Variants in CEP128 observed in about 807,000 individuals in gnomAD.
CEP128 encodes the protein centrosomal protein 128, also known as centrosomal protein 128kDa.
In CEP128, 132 loss-of-function variants were observed where a neutral mutation model predicts 156.7. That is an observed-to-expected ratio of 0.84 (90% CI 0.73 to 0.97). The LOEUF is 0.97. Among genes scored for constraint, CEP128 ranks in the 50% least tolerant of loss-of-function variants. The pLI is 0.00. For missense variants in CEP128, 1,252 were observed against 1,281.9 expected (o/e 0.98, Z 0.36); for synonymous variants, 469 against 448.9 (o/e 1.04, Z -0.57).
At chr14:80,754,859 C>T (rs1200088555) in intron 18 of CEP128, among the ~76,000 whole-genome samples, 1 of 152,166 alleles carries the variant, frequency 6.6e-6, no homozygotes, top group African/African-American at 2.4e-5. Context: ...ATGGCCTTAC[C>T]ATACCTTGTT....
rs372341732 is a variant in CEP128 at position 80,545,568 on chromosome 14, T to G, written c.2880+13711A>C. On this transcript the variant is annotated intron_variant, in intron 21 of 24. Transcript: ENST00000555265. ...GAGCAAACTGGTCCTTGAAGTTAGA[T>G]CTGACAAATTTTAATGTTAACAAAA... is the stretch of plus-strand genomic sequence containing the variant. Among the ~76,000 whole-genome samples the G allele has an allele frequency of 7.9e-4, 120 of 152,276 alleles. 1 individual carries two copies. The highest frequency in any genetic ancestry group is 2.6e-3 in the African/African-American group (110 of 41,560).
At chr14:80,647,065 A>ACCCG (rs1894682358) in intron 19 of CEP128, among the ~76,000 whole-genome samples, 1 of 74,288 alleles carries the variant, frequency 1.3e-5, no homozygotes, top group Non-Finnish European at 2.8e-5. Flanking sequence ...ATATATATAT[A>ACCCG]TATATATATA....
At chr14:80,639,854 C>T (rs553610918) in intron 19 of CEP128, among the ~76,000 whole-genome samples, 1 of 152,218 alleles carries the variant, frequency 6.6e-6, no homozygotes, top group African/African-American at 2.4e-5. Flanking sequence ...TTATTTCATG[C>T]TGTCAAATTT....
At chr14:80,727,514 C>T (rs543812341) in intron 19 of CEP128, among the ~76,000 whole-genome samples, 2 of 152,142 alleles carry the variant, frequency 1.3e-5, no homozygotes, top group South Asian at 4.1e-4. Flanking sequence ...GCAATGAAAA[C>T]AAACATTGAC....
intron 13 of CEP128, chr14:80,830,285 T>G (rs1162397365): frequency 1.7e-6 from 1 of 590,000 alleles, no homozygotes; most frequent in East Asian, 2.9e-5. Context: ...ATTGATGTGC[T>G]GACAAGATGA....
At chr14:80,657,422 T>G (rs1277822364) in intron 19 of CEP128, among the ~76,000 whole-genome samples, 11 of 151,872 alleles carry the variant, frequency 7.2e-5, no homozygotes, top group Non-Finnish European at 1.5e-5. Context: ...GAGGCCAAGG[T>G]GGGCAGATCA....
intron 21 of CEP128, among the ~76,000 whole-genome samples, chr14:80,534,226 CTT>C (rs35555388): frequency 9.3e-5 from 14 of 150,150 alleles, no homozygotes; most frequent in Admixed American, 2.7e-4. Flanking sequence ...AACATTGCAA[CTT>C]TTTTTTTTTT....
intron 19 of CEP128, among the ~76,000 whole-genome samples, chr14:80,741,035 T>C (rs1898806773): frequency 6.6e-6 from 1 of 152,166 alleles, no homozygotes; most frequent in Admixed American, 6.5e-5. Flanking sequence ...CATGTCAATT[T>C]CTAATTATTC....
At chr14:80,818,623 T>C (rs1025928919) in intron 13 of CEP128, among the ~76,000 whole-genome samples, 2 of 152,240 alleles carry the variant, frequency 1.3e-5, no homozygotes, top group Non-Finnish European at 2.9e-5. Context: ...ACCCAGGTCA[T>C]GTGTAGTAAA....
chr14:80,736,256 T>TAAA (rs137895804), intron 19 of CEP128, among the ~76,000 whole-genome samples: 1 of 91,798 alleles, frequency 1.1e-5, no homozygotes, highest in African/African-American at 3.0e-5. Flanking sequence ...ATATAAGGTT[T>TAAA]TAAAAAAAAA....
At chr14:80,612,404 C>A (rs186325241) in intron 19 of CEP128, among the ~76,000 whole-genome samples, 1 of 152,072 alleles carries the variant, frequency 6.6e-6, no homozygotes, top group Non-Finnish European at 1.5e-5. Flanking sequence ...ATACAATGAC[C>A]GTGTTAATCT....
intron 17 of CEP128, among the ~76,000 whole-genome samples, chr14:80,757,538 C>T (rs1303948908): frequency 6.6e-6 from 1 of 152,222 alleles, no homozygotes; most frequent in Non-Finnish European, 1.5e-5. Flanking sequence ...AAATCCCTTG[C>T]ATCTGGTTTT....
chr14:80,868,583 AAATG>A (rs1421413890), intron 8 of CEP128, among the ~76,000 whole-genome samples: 1 of 152,148 alleles, frequency 6.6e-6, no homozygotes, highest in Non-Finnish European at 1.5e-5. Context: ...AGAAAAAAAT[AAATG>A]AAGAAACTAT....
At chr14:80,934,199 T>A (rs1266795570) in intron 2 of CEP128, among the ~76,000 whole-genome samples, 2 of 152,312 alleles carry the variant, frequency 1.3e-5, no homozygotes, top group East Asian at 1.9e-4. Flanking sequence ...ATAATGGCCT[T>A]CATCCTAAAA....
intron 23 of CEP128, among the ~76,000 whole-genome samples, chr14:80,506,790 C>T (rs207475004): frequency 6.6e-5 from 10 of 152,226 alleles, no homozygotes; most frequent in African/African-American, 2.2e-4. Context: ...GCCAAAGGCA[C>T]GAACATAATC....
intron 11 of CEP128, among the ~76,000 whole-genome samples, chr14:80,837,887 GCTCCTGGGAAAATTTTAT>G (rs1886162698): frequency 6.6e-6 from 1 of 152,098 alleles, no homozygotes; most frequent in Non-Finnish European, 1.5e-5. Context: ...ATAAAATTAA[GCTCCTGGGAAAATTTTAT>G]CTTATACATT....
In CEP128 at chr14:80,826,984, A is replaced by C. The variant is rs1885518489; in HGVS notation, c.1209+4159T>G. Among the ~76,000 whole-genome samples, 5 of 152,330 alleles carry C rather than the reference A, an allele frequency of 3.3e-5. No homozygotes were observed. The South Asian group carries it at 1.0e-3, about 32-fold the overall frequency. Reference sequence around the variant, plus strand: ...CTTAGTATTTTCTATGCATATACAGATTTAAGATCTTAGGTACAATTTAAA... The same window carrying C: ...CTTAGTATTTTCTATGCATATACAGCTTTAAGATCTTAGGTACAATTTAAA... On this transcript the variant is annotated intron_variant, in intron 13 of 24. Coordinates refer to ENST00000555265, the MANE Select transcript of CEP128 (RefSeq NM_152446.5).
chr14:80,542,749 C>G (rs1235422658), intron 21 of CEP128, among the ~76,000 whole-genome samples: 1 of 152,172 alleles, frequency 6.6e-6, no homozygotes, highest in Non-Finnish European at 1.5e-5. Context: ...CCCAAGTCCT[C>G]AAGACACCCT....
intron 13 of CEP128, among the ~76,000 whole-genome samples, chr14:80,798,176 C>G (rs1233568035): frequency 6.6e-6 from 1 of 152,182 alleles, no homozygotes; most frequent in Non-Finnish European, 1.5e-5. Flanking sequence ...AAACTTTATA[C>G]CTTTCAATTC....
Sources: allele counts gnomAD v4.1 joint callset (sites outside exome capture counted in the v4.1 genomes callset), GRCh38; gene constraint gnomAD v4.1.1; transcripts MANE v1.5; gene names NCBI Gene and HGNC (gene_info 2026-07-23, HGNC 2026-07-21).